ALS2CL: variants seen among roughly 807,000 people sequenced by gnomAD.
ALS2CL encodes ALS2 C-terminal-like protein.
ALS2CL carries 112 observed loss-of-function variants against 127.9 expected under a neutral mutation model. That is an observed-to-expected ratio of 0.88 (90% CI 0.75 to 1.02). The LOEUF is 1.02. ALS2CL is among the 50% of genes least tolerant of loss of function. ALS2CL has a pLI of 0.00. For synonymous variants in ALS2CL, 519 were observed against 527.6 expected, an observed-to-expected ratio of 0.98 and a Z score of 0.22; for missense variants, 1,174 against 1,236.7, an observed-to-expected ratio of 0.95 and a Z score of 0.76.
intron 19 of ALS2CL, 115 bp from the exon 20 acceptor site, chr3:46,675,801 G>T: frequency 6.4e-7 from 1 of 1,553,564 alleles, no homozygotes; most frequent in Non-Finnish European, 8.7e-7. Context: ...GACATGGCCT[G>T]CAGGGTTCAT....
intron 7 of ALS2CL, among the ~76,000 whole-genome samples, chr3:46,684,413 G>A (rs77169018): frequency 0.017 from 2,181 of 126,468 alleles, 56 homozygotes; most frequent in African/African-American, 0.062. Flanking sequence ...AGACCACTAC[G>A]CCATCAGGGC....
intron 20 of ALS2CL, chr3:46,674,942 T>C (rs1698692573): frequency 8.3e-6 from 4 of 483,380 alleles, no homozygotes; most frequent in African/African-American, 3.9e-5. Context: ...TCCTTTGACT[T>C]TGACAACCAA....
At chr3:46,679,506 A>C in intron 14 of ALS2CL, 2 of 363,468 alleles carry the variant, frequency 5.5e-6, no homozygotes, top group Non-Finnish European at 5.0e-6. Flanking sequence ...ATTTCCCCAA[A>C]TGACACCCTC....
intron 14 of ALS2CL, 145 bp downstream of exon 14, chr3:46,680,285 T>C: frequency 2.4e-6 from 2 of 843,840 alleles, no homozygotes; most frequent in Non-Finnish European, 3.7e-6. Context: ...TAGAGCTGGC[T>C]TCCTGCCCAG....
chr3:46,676,028 T>G, intron 19 of ALS2CL: 1 of 1,407,818 alleles, frequency 7.1e-7, no homozygotes. Context: ...AGCGCCTGGT[T>G]GGGTCTTGGA....
Position 46,670,619 on chromosome 3 carries a change from G to T in ALS2CL, c.*365C>A. On this transcript the variant is annotated 3_prime_UTR_variant, in exon 26 of 26. Coordinates refer to ENST00000318962, the MANE Select transcript of ALS2CL (RefSeq NM_147129.5). This position sits in a 1 kb window ranked among gnomAD's most constrained non-coding sequence, Gnocchi z 5.5. ...CAAAATGAATGGAAGGTCCTTTACAGCGTACTCACTCCACCATTGTACAGA... is the reference window on the plus strand; with the variant it reads ...CAAAATGAATGGAAGGTCCTTTACATCGTACTCACTCCACCATTGTACAGA... 4.1e-6 allele frequency: 1 copy of T among 245,516 alleles called. No individual in the cohort carries two copies. Among genetic ancestry groups the T allele is most frequent in the South Asian group, 6.8e-5 (1 of 14,810 alleles). The allele number at this position is 245,516 out of a possible 1,614,324, so 15.2% of individuals were successfully genotyped here.
intron 24 of ALS2CL, 53 bp downstream of exon 24, chr3:46,671,831 T>G (rs2106680479): frequency 1.2e-6 from 2 of 1,606,434 alleles, no homozygotes; most frequent in South Asian, 2.2e-5. Context: ...GATATCGTGG[T>G]TGGGGGTGGG....
rs1699289465 is a variant in ALS2CL, at chr3:46,681,113, G to A, written c.1436+133C>T. On this transcript the variant is annotated intron_variant, in intron 13 of 25. Coordinates refer to ENST00000318962, the MANE Select transcript of ALS2CL (RefSeq NM_147129.5). The surrounding 1 kb of genome is among the most constrained non-coding windows in gnomAD (Gnocchi z 4.9). ...GCCTGAGCCTCCGCAGCAACCGAGGGACTGGAGGGGAAGTGAGGGGCTTAA... is the reference window on the plus strand; with the variant it reads ...GCCTGAGCCTCCGCAGCAACCGAGGAACTGGAGGGGAAGTGAGGGGCTTAA... 7.1e-7 allele frequency: 1 copy of A among 1,402,538 alleles called. No individual in the cohort carries two copies. The allele number at this position is 1,402,538 out of a possible 1,614,324, so 86.9% of individuals were successfully genotyped here.
chr3:46,680,553 G>C lies in ALS2CL; in HGVS notation c.1437-12C>G. On this transcript the variant is annotated splice_polypyrimidine_tract_variant and intron_variant, in intron 13 of 25. Coordinates refer to ENST00000318962, the MANE Select transcript of ALS2CL (RefSeq NM_147129.5). The stretch of plus-strand genomic sequence containing the variant: ...TGTAGCGCTCACCTCTGGAAGGAGA[G>C]GAATGTGGCCAGAGTTGGATCAGAC... 1.2e-6 allele frequency: 2 copies of C among 1,609,224 alleles called. No homozygotes were observed. Among genetic ancestry groups the C allele is most frequent in the East Asian group, 4.5e-5 (2 of 44,844 alleles).
Position 46,683,269 on chromosome 3 carries a change from CCTT to C in ALS2CL, c.967_969del (p.Lys323del). On this transcript the variant is annotated inframe_deletion, in exon 10 of 26. Coordinates refer to ENST00000318962, the MANE Select transcript of ALS2CL (RefSeq NM_147129.5). The stretch of plus-strand genomic sequence containing the variant: ...AGGCCAGCCCCCAGCACGGGGAAGT[CCTT>C]CTTCCCATGCAGGGCCTGGTGAACA... The C allele has an allele frequency of 2.5e-6, 4 of 1,608,640 alleles. No homozygotes were observed. In the South Asian group the frequency reaches 3.3e-5, roughly 13 times the overall value.
In ALS2CL at chr3:46,688,252, A is replaced by C. The variant is rs1166828474; in HGVS notation, c.148T>G (p.Leu50Val). ...DPWGRECLRL[L>V]QQLHKSSQQL... ...TGGGAGCTCTTGTGCAGCTGTTGCA[A>C]GAGCCGCAGGCACTCTCTGCCCCAG... The change falls in exon 3 of 26, where the codon TTG becomes GTG. Residue 50 changes from leucine to valine, a missense_variant. Coordinates refer to ENST00000318962, the MANE Select transcript of ALS2CL (RefSeq NM_147129.5). The C allele has an allele frequency of 6.2e-7, 1 of 1,612,814 alleles. No homozygotes were observed. The highest frequency in any genetic ancestry group is 8.5e-7 in the Non-Finnish European group (1 of 1,179,996).
intron 10 of ALS2CL, 50 bp from the exon 11 acceptor site, chr3:46,682,144 A>C: frequency 6.3e-7 from 1 of 1,593,772 alleles, no homozygotes. Context: ...ACCCCTCAGC[A>C]ACCTCAGCCA....
In ALS2CL at chr3:46,684,038, C is replaced by T. The variant is rs1428804084; in HGVS notation, c.796G>A (p.Val266Ile). The T allele has an allele frequency of 6.4e-7, 1 of 1,558,064 alleles. No individual in the cohort carries two copies. Among genetic ancestry groups the T allele is most frequent in the Non-Finnish European group, 8.7e-7 (1 of 1,150,290 alleles). ...ACCAGCTTCAGATCAAAGGTGTGGACATTGTGGCCCTGGAAGAGGATGGAC... is the reference window on the plus strand; with the variant it reads ...ACCAGCTTCAGATCAAAGGTGTGGATATTGTGGCCCTGGAAGAGGATGGAC... ...DALVLLQGHN[V>I]HTFDLKLVWV... Residue 266 changes from valine to isoleucine, a missense_variant, in exon 8 of 26, where the codon GTC (valine) becomes ATC (isoleucine). Coordinates refer to ENST00000318962, the MANE Select transcript of ALS2CL (RefSeq NM_147129.5).
chr3:46,670,739 T>C lies in ALS2CL; in HGVS notation c.*245A>G, dbSNP rs561554867. On this transcript the variant is annotated 3_prime_UTR_variant, in exon 26 of 26. Transcript: ENST00000318962. This position sits in a 1 kb window ranked among gnomAD's most constrained non-coding sequence, Gnocchi z 5.5. The stretch of plus-strand genomic sequence containing the variant: ...TCCTCACCCCCAGCCTGTGAGCTGC[T>C]GCAGATTAAGGGGTCATTGAAGATG... 4.1e-5 allele frequency: 20 copies of C among 488,350 alleles called. No individual in the cohort carries two copies. Among genetic ancestry groups the C allele is most frequent in the Admixed American group, 1.3e-4 (4 of 30,670 alleles). 30.3% of individuals were successfully genotyped at this position (488,350 alleles called of 1,614,324 possible).
At position 46,686,430 on chromosome 3, in the gene ALS2CL, T is replaced by C. The variant is rs34733632; in HGVS notation, c.544A>G (p.Thr182Ala). 1.1e-3 allele frequency: 1,701 copies of C among 1,612,578 alleles called. 2 individuals carry two copies. The highest frequency in any genetic ancestry group is 1.3e-3 in the Non-Finnish European group (1,484 of 1,179,456). The change falls in exon 6 of 26, where the codon ACC (threonine) becomes GCC (alanine). Residue 182 changes from threonine to alanine, a missense_variant. Transcript: ENST00000318962. The surrounding 1 kb of genome is among the most constrained non-coding windows in gnomAD (Gnocchi z 4.3). ...ACTGCGTTCACCACCAGCTCCCGGG[T>C]TGGGTGATGCTGAAGGGGGACAGGG... Reference protein sequence around the residue: ...LGDTIGEHHPTRELVVNAVTL... With the variant: ...LGDTIGEHHPARELVVNAVTL...
chr3:46,671,841 G>T (rs370504160), intron 24 of ALS2CL, 43 bp downstream of exon 24: 2 of 1,608,510 alleles, frequency 1.2e-6, no homozygotes, highest in Admixed American at 3.3e-5. Flanking sequence ...TTGGGGGTGG[G>T]ACCCTGCCCC....
Position 46,673,343 on chromosome 3 carries a change from T to C in ALS2CL, c.2468A>G (p.Asn823Ser). 3 of 1,565,130 alleles carry C rather than the reference T, an allele frequency of 1.9e-6. No homozygotes were observed. The highest frequency in any genetic ancestry group is 1.7e-6 in the Non-Finnish European group (2 of 1,154,560). The change falls in exon 22 of 26, where the codon AAT becomes AGT. Residue 823 changes from asparagine (N) to serine (S), a missense_variant. Physicochemically the swap from Asn to Ser is conservative, Grantham distance 46. Coordinates refer to ENST00000318962, the MANE Select transcript of ALS2CL (RefSeq NM_147129.5). Reference protein sequence around the residue: ...WPLKDLTLTSNQRYSLVRDKC... With the variant: ...WPLKDLTLTSSQRYSLVRDKC... ...GGGCTCTGGCCTCCCTCTCACCTGA[T>C]TGCTCGTCAGCGTGAGGTCCTTGAG... is the stretch of plus-strand genomic sequence containing the variant.
rs1575445685 is a variant in ALS2CL at position 46,686,893 on chromosome 3, G to A, written c.534+90C>T. The A allele has an allele frequency of 1.5e-6, 2 of 1,358,102 alleles. No homozygotes were observed. The highest frequency in any genetic ancestry group is 9.7e-7 in the Non-Finnish European group (1 of 1,035,574). 84.1% of individuals were successfully genotyped at this position (1,358,102 alleles called of 1,614,324 possible). On this transcript the variant is annotated intron_variant, in intron 5 of 25. Coordinates refer to ENST00000318962, the MANE Select transcript of ALS2CL (RefSeq NM_147129.5). The surrounding 1 kb of genome is among the most constrained non-coding windows in gnomAD (Gnocchi z 4.3). ...CATGGCTGAGTCCTTCTTGTACTAGGGTTCCTGAGTATAGGCTGAGCCCCC... is the reference window on the plus strand; with the variant it reads ...CATGGCTGAGTCCTTCTTGTACTAGAGTTCCTGAGTATAGGCTGAGCCCCC...
rs199988608 is a variant in ALS2CL at position 46,683,976 on chromosome 3, G to A, written c.845+13C>T. The stretch of plus-strand genomic sequence containing the variant: ...GAAGAAGGCCTGGGGTGTCAGCCGA[G>A]GGGGTTGCTCACCCGTCCTGCCCAG... On this transcript the variant is annotated intron_variant, in intron 8 of 25. Coordinates refer to ENST00000318962, the MANE Select transcript of ALS2CL (RefSeq NM_147129.5). 2 of 1,600,192 alleles carry A rather than the reference G, an allele frequency of 1.2e-6. No individual in the cohort carries two copies. Among genetic ancestry groups the A allele is most frequent in the Admixed American group, 3.5e-5 (2 of 57,314 alleles).
Sources: gnomAD v4.1 joint callset for allele counts (sites outside exome capture counted in the v4.1 genomes callset) on GRCh38, gnomAD v4.1.1 for gene constraint, Gnocchi (gnomAD v3.1) non-coding constraint, MANE v1.5 for transcripts, NCBI Gene and HGNC (gene_info 2026-07-23, HGNC 2026-07-21) for gene names.